RPTOR: variants seen among roughly 807,000 people sequenced by gnomAD.
RPTOR encodes the protein regulatory-associated protein of mTOR.
A neutral mutation model predicts 169.9 loss-of-function variants in RPTOR; 21 were observed. That is an observed-to-expected ratio of 0.12 (90% CI 0.09 to 0.18). RPTOR has a LOEUF of 0.18. RPTOR is among the 10% of genes least tolerant of loss of function. The probability of loss-of-function intolerance (pLI) is 1.00; values close to 1 mark genes in which losing one functional copy is unlikely to be tolerated. For missense variants in RPTOR, 1,133 were observed against 1,855.9 expected (o/e 0.61, Z 7.16); for synonymous variants, 732 against 753.2 (o/e 0.97, Z 0.46).
intron 5 of RPTOR, among the ~76,000 whole-genome samples, chr17:80,735,804 G>A (rs963984178): frequency 3.9e-5 from 6 of 152,158 alleles, no homozygotes; most frequent in Admixed American, 3.3e-4. Context: ...CAAGTTTTTG[G>A]TGGGAGCCAT....
intron 18 of RPTOR, among the ~76,000 whole-genome samples, chr17:80,892,059 C>T (rs2068332043): frequency 6.6e-6 from 1 of 152,148 alleles, no homozygotes; most frequent in Admixed American, 6.5e-5. Flanking sequence ...TTCTTTTTAC[C>T]CTTTTTGGAA....
At chr17:80,934,416 C>T (rs1306802062) in intron 24 of RPTOR, among the ~76,000 whole-genome samples, 2 of 152,198 alleles carry the variant, frequency 1.3e-5, no homozygotes, top group Admixed American at 6.5e-5. Flanking sequence ...TGGGGTTCAG[C>T]GGTGTGATCA....
chr17:80,928,963 G>A (rs2068843675), intron 24 of RPTOR, among the ~76,000 whole-genome samples: 1 of 152,174 alleles, frequency 6.6e-6, no homozygotes, highest in South Asian at 2.1e-4. Flanking sequence ...TAACTGTCAG[G>A]ATTAGAAAAG....
chr17:80,567,908 T>C (rs899289700), intron 1 of RPTOR, among the ~76,000 whole-genome samples: 1 of 152,016 alleles, frequency 6.6e-6, no homozygotes, highest in Non-Finnish European at 1.5e-5. Context: ...TATTTATTTT[T>C]TCTTTTTTTT....
At chr17:80,638,115 C>T (rs1019133874) in intron 2 of RPTOR, among the ~76,000 whole-genome samples, 3 of 152,206 alleles carry the variant, frequency 2.0e-5, no homozygotes, top group East Asian at 1.9e-4. Flanking sequence ...GAGACCAATA[C>T]GAGGTCAAGC....
At chr17:80,877,330 A>G (rs1022651356) in intron 13 of RPTOR, among the ~76,000 whole-genome samples, 1 of 152,172 alleles carries the variant, frequency 6.6e-6, no homozygotes, top group African/African-American at 2.4e-5. Flanking sequence ...TATTAAACAG[A>G]TATGTAAATG....
At chr17:80,647,283 C>T (rs1396152322) in intron 3 of RPTOR, among the ~76,000 whole-genome samples, 5 of 152,144 alleles carry the variant, frequency 3.3e-5, no homozygotes, top group South Asian at 2.1e-4. Flanking sequence ...AAATGCCGAC[C>T]GTTGTTTCAG....
At chr17:80,955,237 A>G (rs1163783177) in intron 28 of RPTOR, among the ~76,000 whole-genome samples, 2 of 152,250 alleles carry the variant, frequency 1.3e-5, no homozygotes, top group Admixed American at 6.5e-5. Flanking sequence ...AGAAGCTGCA[A>G]TTGCAGGGCA....
In RPTOR at chr17:80,599,649, A is replaced by G. The variant is rs1428689905; in HGVS notation, c.163-26042A>G. ...GATGACTGTCCCTGCTACTCTGCCAATGTGAGAAGGCACTGCAGACGGTGT... is the reference window on the plus strand; with the variant it reads ...GATGACTGTCCCTGCTACTCTGCCAGTGTGAGAAGGCACTGCAGACGGTGT... On this transcript the variant is annotated intron_variant, in intron 1 of 33. Coordinates refer to ENST00000306801, the MANE Select transcript of RPTOR (RefSeq NM_020761.3). Among the ~76,000 whole-genome samples, 3 of 152,146 alleles carry G rather than the reference A, an allele frequency of 2.0e-5. No individual in the cohort carries two copies. In the South Asian group the frequency reaches 6.2e-4, roughly 32 times the overall value.
At chr17:80,771,084 C>A (rs1418174157) in intron 6 of RPTOR, among the ~76,000 whole-genome samples, 1 of 152,234 alleles carries the variant, frequency 6.6e-6, no homozygotes, top group African/African-American at 2.4e-5. Context: ...CCTGAAGAGT[C>A]CGCTGCAGAG....
At chr17:80,644,007 G>T (rs992454832) in intron 3 of RPTOR, among the ~76,000 whole-genome samples, 197 bp downstream of exon 3, 2 of 152,220 alleles carry the variant, frequency 1.3e-5, no homozygotes, top group Non-Finnish European at 2.9e-5. Context: ...GACAGCGTCC[G>T]CATTATTGTG....
chr17:80,863,520 T>C (rs920990718), intron 13 of RPTOR, among the ~76,000 whole-genome samples: 1 of 152,158 alleles, frequency 6.6e-6, no homozygotes, highest in African/African-American at 2.4e-5. Context: ...ACACGGAGAA[T>C]ATAAAAAGAA....
intron 7 of RPTOR, among the ~76,000 whole-genome samples, chr17:80,821,668 T>C (rs2067380053): frequency 6.6e-6 from 1 of 152,064 alleles, no homozygotes. Flanking sequence ...TACCTGTCCT[T>C]CCCCCTAGAC....
At chr17:80,575,664 A>G (rs578035910) in intron 1 of RPTOR, among the ~76,000 whole-genome samples, 1 of 152,314 alleles carries the variant, frequency 6.6e-6, no homozygotes, top group South Asian at 2.1e-4. Context: ...TTCCCTGTGT[A>G]CTTGAACACG....
intron 1 of RPTOR, among the ~76,000 whole-genome samples, chr17:80,563,405 C>T (rs540595509): frequency 6.0e-5 from 9 of 150,972 alleles, no homozygotes; most frequent in South Asian, 4.2e-4. Flanking sequence ...TGGTGGCGGC[C>T]GCCTGTAGTC....
intron 6 of RPTOR, among the ~76,000 whole-genome samples, chr17:80,757,677 A>G (rs2066694588): frequency 1.3e-5 from 2 of 152,114 alleles, no homozygotes; most frequent in Admixed American, 1.3e-4. Flanking sequence ...TTAATGATCA[A>G]ATTGGGGTAA....
At chr17:80,962,701 G>A (rs1444242722) in intron 32 of RPTOR, 124 bp downstream of exon 32, 1 of 1,094,498 alleles carries the variant, frequency 9.1e-7, no homozygotes, top group African/African-American at 1.6e-5. Context: ...TCACTGCTGT[G>A]GGGACATAAA....
At chr17:80,914,715 G>A (rs1436848022) in intron 21 of RPTOR, among the ~76,000 whole-genome samples, 1 of 152,226 alleles carries the variant, frequency 6.6e-6, no homozygotes, top group Non-Finnish European at 1.5e-5. Context: ...GGGCACCAAC[G>A]AGCATGGGAG....
intron 10 of RPTOR, among the ~76,000 whole-genome samples, chr17:80,839,319 T>G (rs988011786): frequency 4.6e-5 from 7 of 152,222 alleles, no homozygotes; most frequent in African/African-American, 1.7e-4. Context: ...TATTGCTTGA[T>G]TTTTTTGGTA....
Sources: gnomAD v4.1 joint callset for allele counts (sites outside exome capture counted in the v4.1 genomes callset) on GRCh38, gnomAD v4.1.1 for gene constraint, MANE v1.5 for transcripts, NCBI Gene and HGNC (gene_info 2026-07-23, HGNC 2026-07-21) for gene names.